Variants in NCKAP5 observed in about 807,000 individuals in gnomAD.
The protein encoded by NCKAP5 is NCK associated protein 5, also known as nck-associated protein 5.
NCKAP5 carries 92 observed loss-of-function variants against 167.0 expected under a neutral mutation model. That is an observed-to-expected ratio of 0.55 (90% CI 0.47 to 0.66). The LOEUF (loss-of-function observed/expected upper bound fraction) is 0.66. NCKAP5 is among the 30% of genes least tolerant of loss of function. The pLI is 0.00. For missense variants in NCKAP5, 2,378 were observed against 2,315.0 expected, an observed-to-expected ratio of 1.03 and a Z score of -0.56; for synonymous variants, 891 against 877.4, an observed-to-expected ratio of 1.02 and a Z score of -0.27.
intron 4 of NCKAP5, among the ~76,000 whole-genome samples, chr2:133,288,519 G>C (rs187043037): frequency 9.9e-5 from 15 of 152,190 alleles, no homozygotes; most frequent in African/African-American, 3.6e-4. Context: ...TCCTTTAATA[G>C]GGACCATAAC....
At chr2:133,650,934 C>T in the NCKAP5 span, among the ~76,000 whole-genome samples, 1 of 152,046 alleles carries the variant, frequency 6.6e-6, no homozygotes, top group Non-Finnish European at 1.5e-5. Context: ...TCTAGAAAGA[C>T]CATCTCCTCA....
At chr2:133,121,276 T>G (rs1228189655) in intron 6 of NCKAP5, among the ~76,000 whole-genome samples, 1 of 151,748 alleles carries the variant, frequency 6.6e-6, no homozygotes, top group Non-Finnish European at 1.5e-5. Flanking sequence ...TCAAAGAAAC[T>G]TAAAAGACAT....
chr2:133,022,290 A>G (rs569920737), intron 6 of NCKAP5, among the ~76,000 whole-genome samples: 1 of 152,364 alleles, frequency 6.6e-6, no homozygotes, highest in East Asian at 1.9e-4. Flanking sequence ...AGAAATTGAC[A>G]TCTACAAAGG....
chr2:133,128,373 T>G (rs12622679), intron 6 of NCKAP5, among the ~76,000 whole-genome samples: 18,455 of 152,192 alleles, frequency 0.12, 1,358 homozygotes, highest in East Asian at 0.39. Flanking sequence ...TTCACAAGGT[T>G]CCTATATCTG....
intron 19 of NCKAP5, among the ~76,000 whole-genome samples, chr2:132,692,158 T>TATTTTATTTTATTTTATTTTATTTTA (rs1558929333): frequency 1.3e-5 from 2 of 149,894 alleles, no homozygotes; most frequent in African/African-American, 5.0e-5. Context: ...TATTTTATTT[T>TATTTTATTTTATTTTATTTTATTTTA]TTGAGACAGA....
intron 3 of NCKAP5, among the ~76,000 whole-genome samples, chr2:133,377,875 C>T (rs1168221020): frequency 6.6e-6 from 1 of 151,874 alleles, no homozygotes; most frequent in African/African-American, 2.4e-5. Context: ...GCCTTGGATT[C>T]ATGAGACCAG....
intron 17 of NCKAP5, among the ~76,000 whole-genome samples, chr2:132,731,375 G>A (rs1690990362): frequency 6.6e-6 from 1 of 152,182 alleles, no homozygotes; most frequent in South Asian, 2.1e-4. Flanking sequence ...TGGTTAGAAG[G>A]CAAACAACAT....
chr2:133,390,160 C>T (rs971335385), intron 3 of NCKAP5, among the ~76,000 whole-genome samples: 2 of 152,234 alleles, frequency 1.3e-5, no homozygotes, highest in South Asian at 2.1e-4. Context: ...CCAGCTGTGA[C>T]CCCAACCCTC....
intron 1 of NCKAP5, among the ~76,000 whole-genome samples, chr2:133,567,522 T>C (rs866597902): frequency 6.2e-4 from 94 of 152,336 alleles, no homozygotes; most frequent in African/African-American, 2.2e-3. Flanking sequence ...GTACATTAAC[T>C]TGGGTTCCAA....
chr2:132,783,339 G>A lies in NCKAP5; in HGVS notation c.3472C>T (p.Gln1158Ter). Residue 1158 changes from glutamine (Q) to a stop codon, truncating the protein, a stop_gained, in exon 14 of 20, where the codon CAG (glutamine) becomes TAG (stop). Transcript: ENST00000409261. LOFTEE classifies it high-confidence loss of function. ...VGLKVLMKSP[Q>*]LLRKSSTVPG... ...ACGGTGGAACTTTTCCTGAGCAGCT[G>A]GGGAGACTTCATGAGCACTTTGAGT... is the stretch of plus-strand genomic sequence containing the variant. The A allele has an allele frequency of 6.2e-7, 1 of 1,613,688 alleles. No individual in the cohort carries two copies. Among genetic ancestry groups the A allele is most frequent in the Non-Finnish European group, 8.5e-7 (1 of 1,179,776 alleles).
chr2:133,245,727 A>G (rs1397769828), intron 4 of NCKAP5, among the ~76,000 whole-genome samples: 1 of 152,184 alleles, frequency 6.6e-6, no homozygotes, highest in Non-Finnish European at 1.5e-5. Flanking sequence ...GAGAATGTTA[A>G]CAGGAAACAG....
chr2:133,666,885 G>GTA, the NCKAP5 span, among the ~76,000 whole-genome samples: 1 of 151,920 alleles, frequency 6.6e-6, no homozygotes, highest in Admixed American at 6.6e-5. Flanking sequence ...ATATAAAATA[G>GTA]TATAGCATAT....
At position 132,871,379 on chromosome 2, in the gene NCKAP5, G is replaced by T. The variant is rs144640612; in HGVS notation, c.649-2405C>A. Among the ~76,000 whole-genome samples, 25 of 152,294 alleles carry T rather than the reference G, an allele frequency of 1.6e-4. No homozygotes were observed. In the East Asian group the frequency reaches 3.9e-3, roughly 24 times the overall value. On this transcript the variant is annotated intron_variant, in intron 9 of 19. Coordinates refer to ENST00000409261, the MANE Select transcript of NCKAP5 (RefSeq NM_207363.3). ...TCATGCAGGTTGAATCAGGAACAAG[G>T]TACCAAAGTTAATTCATGCCATAAA...
chr2:132,971,605 T>C (rs1466795706), intron 7 of NCKAP5, among the ~76,000 whole-genome samples: 1 of 152,186 alleles, frequency 6.6e-6, no homozygotes, highest in Non-Finnish European at 1.5e-5. Flanking sequence ...GCTGCTGCAA[T>C]AGGCTATGCG....
chr2:133,170,692 C>T (rs1486118039), intron 5 of NCKAP5, among the ~76,000 whole-genome samples: 2 of 152,296 alleles, frequency 1.3e-5, no homozygotes, highest in East Asian at 3.9e-4. Flanking sequence ...TTTGTTGAGG[C>T]ATTGACAAGA....
At chr2:133,041,094 C>A (rs556508209) in intron 6 of NCKAP5, among the ~76,000 whole-genome samples, 1 of 152,088 alleles carries the variant, frequency 6.6e-6, no homozygotes, top group Non-Finnish European at 1.5e-5. Context: ...TTGCATACTT[C>A]GGAAGTTTTG....
chr2:133,461,184 G>C (rs974178015), intron 3 of NCKAP5, among the ~76,000 whole-genome samples: 3 of 152,108 alleles, frequency 2.0e-5, no homozygotes, highest in Admixed American at 2.0e-4. Flanking sequence ...TGCCCATTGG[G>C]AGGAAGGACC....
At chr2:133,614,806 A>G in the NCKAP5 span, among the ~76,000 whole-genome samples, 2 of 151,446 alleles carry the variant, frequency 1.3e-5, no homozygotes, top group African/African-American at 4.8e-5. Flanking sequence ...GAATGCCACA[A>G]AGATACTCCT....
chr2:133,346,213 GC>G (rs1470376127), intron 3 of NCKAP5, among the ~76,000 whole-genome samples: 1 of 152,154 alleles, frequency 6.6e-6, no homozygotes, highest in Admixed American at 6.5e-5. Flanking sequence ...TCAAATCCAA[GC>G]CATGAATTTG....
Sources: gnomAD v4.1 joint callset for allele counts (sites outside exome capture counted in the v4.1 genomes callset) on GRCh38, gnomAD v4.1.1 for gene constraint, MANE v1.5 for transcripts, NCBI Gene and HGNC (gene_info 2026-07-23, HGNC 2026-07-21) for gene names.